MARCHF1: variants seen among roughly 807,000 people sequenced by gnomAD.
The protein encoded by MARCHF1 is E3 ubiquitin-protein ligase MARCHF1.
Under a neutral mutation model 54.2 loss-of-function variants are expected in MARCHF1, and 40 were observed. The ratio of observed to expected loss-of-function variants is 0.74; its 90% CI spans 0.57 to 0.96. The LOEUF (loss-of-function observed/expected upper bound fraction) is 0.96. Among genes scored for constraint, MARCHF1 ranks in the 40% least tolerant of loss-of-function variants. MARCHF1 has a pLI of 0.00. For synonymous variants in MARCHF1, 236 were observed against 236.3 expected (o/e 1.00, Z 0.01); for missense variants, 586 against 656.5 (o/e 0.89, Z 1.17).
chr4:164,105,468 A>G (rs1755670882), intron 2 of MARCHF1, among the ~76,000 whole-genome samples: 1 of 145,454 alleles, frequency 6.9e-6, no homozygotes, highest in South Asian at 2.2e-4. Context: ...CTGCATATCT[A>G]CAACTATCTG....
At chr4:164,307,915 T>C (rs1340602602) in intron 1 of MARCHF1, among the ~76,000 whole-genome samples, 1 of 152,192 alleles carries the variant, frequency 6.6e-6, no homozygotes, top group African/African-American at 2.4e-5. Context: ...TTCAAAACTG[T>C]GGTGCTGTAA....
intron 1 of MARCHF1, among the ~76,000 whole-genome samples, chr4:164,370,425 C>T (rs1191705405): frequency 6.6e-6 from 1 of 152,200 alleles, no homozygotes; most frequent in Non-Finnish European, 1.5e-5. Flanking sequence ...TGCTAAGAGG[C>T]AGAGAGGGAC....
intron 2 of MARCHF1, among the ~76,000 whole-genome samples, chr4:164,085,513 C>T (rs923317901): frequency 6.6e-6 from 1 of 151,712 alleles, no homozygotes; most frequent in African/African-American, 2.4e-5. Context: ...TTATTTTCTC[C>T]AACACAATAA....
At chr4:163,978,865 G>A (rs903490818) in intron 3 of MARCHF1, among the ~76,000 whole-genome samples, 1 of 152,008 alleles carries the variant, frequency 6.6e-6, no homozygotes, top group Non-Finnish European at 1.5e-5. Flanking sequence ...AGGACTGCAG[G>A]CATGTTCCAC....
rs184701938 is a variant in MARCHF1, at chr4:163,613,239, A to G, written c.242+75T>C. 3 of 1,465,238 alleles carry G rather than the reference A, an allele frequency of 2.0e-6. No homozygotes were observed. In the East Asian group the frequency reaches 6.9e-5, roughly 34 times the overall value. The allele number at this position is 1,465,238 out of a possible 1,614,324, so 90.8% of individuals were successfully genotyped here. ...TGTAAAGCAGAAGCAAGAGACACAC[A>G]TTCTCAGAACAAACAACAAGAATAC... On this transcript the variant is annotated intron_variant, in intron 6 of 9. Coordinates refer to ENST00000514618, the MANE Select transcript of MARCHF1 (RefSeq NM_001394959.1).
intron 1 of MARCHF1, among the ~76,000 whole-genome samples, chr4:164,306,675 A>T (rs1734704430): frequency 6.6e-6 from 1 of 152,178 alleles, no homozygotes; most frequent in African/African-American, 2.4e-5. Context: ...TGGAGAAAAG[A>T]TAAATGAGGG....
intron 1 of MARCHF1, among the ~76,000 whole-genome samples, chr4:164,313,002 C>A (rs998781477): frequency 2.0e-5 from 3 of 149,366 alleles, no homozygotes; most frequent in Non-Finnish European, 4.4e-5. Context: ...ATTAAGGATG[C>A]CTTGTCTTTC....
chr4:164,011,274 A>G (rs962211355), intron 2 of MARCHF1, among the ~76,000 whole-genome samples: 2 of 152,208 alleles, frequency 1.3e-5, no homozygotes, highest in Non-Finnish European at 2.9e-5. Context: ...AAATGAGATC[A>G]TATCAAGCTA....
At chr4:163,585,952 G>T (rs7435076) in intron 7 of MARCHF1, 23 bp from the exon 8 acceptor site, 694,105 of 1,577,950 alleles carry the variant, frequency 0.44, 154,126 homozygotes, top group East Asian at 0.54. Context: ...ACAGCAGCCA[G>T]TATGAGATCT....
intron 1 of MARCHF1, among the ~76,000 whole-genome samples, chr4:164,335,789 C>G (rs970376576): frequency 6.6e-6 from 1 of 152,044 alleles, no homozygotes; most frequent in Non-Finnish European, 1.5e-5. Context: ...GGACATAATG[C>G]TATAAATATA....
chr4:164,145,345 C>G (rs1265762773), intron 1 of MARCHF1, among the ~76,000 whole-genome samples: 1 of 151,924 alleles, frequency 6.6e-6, no homozygotes, highest in Non-Finnish European at 1.5e-5. Context: ...ATCCTGATAC[C>G]AAAGCCGGGC....
chr4:164,099,707 G>C (rs1293144912), intron 2 of MARCHF1, among the ~76,000 whole-genome samples: 2 of 151,888 alleles, frequency 1.3e-5, no homozygotes, highest in Non-Finnish European at 2.9e-5. Context: ...ATGAGAGTTT[G>C]TCATGCTTAA....
intron 7 of MARCHF1, among the ~76,000 whole-genome samples, chr4:163,597,571 T>G (rs1322082873): frequency 1.3e-5 from 2 of 152,196 alleles, no homozygotes; most frequent in African/African-American, 4.8e-5. Flanking sequence ...GTTGTTTACA[T>G]TAAAATGTTT....
chr4:164,030,886 T>C (rs1753862531), intron 2 of MARCHF1, among the ~76,000 whole-genome samples: 1 of 152,178 alleles, frequency 6.6e-6, no homozygotes. Flanking sequence ...TCTGCTTGTC[T>C]ATTGTTGGTG....
intron 3 of MARCHF1, among the ~76,000 whole-genome samples, chr4:163,918,309 A>G (rs1014459286): frequency 2.0e-5 from 3 of 152,130 alleles, no homozygotes; most frequent in African/African-American, 7.2e-5. Context: ...TTGGATGCAA[A>G]TTCTTTATTA....
At chr4:164,373,637 G>T (rs556929698) in intron 1 of MARCHF1, among the ~76,000 whole-genome samples, 2 of 152,076 alleles carry the variant, frequency 1.3e-5, no homozygotes, top group South Asian at 2.1e-4. Flanking sequence ...TTACAGGCGT[G>T]AGTCACCGTG....
chr4:163,733,197 A>ACATACATACACATG (rs1554008827), intron 4 of MARCHF1, among the ~76,000 whole-genome samples: 23 of 32,314 alleles, frequency 7.1e-4, no homozygotes, highest in African/African-American at 2.1e-3. Context: ...ATATATATAT[A>ACATACATACACATG]TATATATATA....
intron 4 of MARCHF1, among the ~76,000 whole-genome samples, chr4:163,705,517 T>G (rs1176716363): frequency 6.6e-6 from 1 of 151,966 alleles, no homozygotes; most frequent in Admixed American, 6.6e-5. Flanking sequence ...ATTTCAGGTT[T>G]TAAAAACTCA....
At chr4:164,232,450 TAA>T (rs1732438391) in intron 1 of MARCHF1, among the ~76,000 whole-genome samples, 1 of 152,068 alleles carries the variant, frequency 6.6e-6, no homozygotes, top group Non-Finnish European at 1.5e-5. Context: ...GTTAAGTATA[TAA>T]GACAGTGAAC....
Sources: gnomAD v4.1 joint callset for allele counts (sites outside exome capture counted in the v4.1 genomes callset) on GRCh38, gnomAD v4.1.1 for gene constraint, MANE v1.5 for transcripts, NCBI Gene and HGNC (gene_info 2026-07-23, HGNC 2026-07-21) for gene names.